Variants in SRL observed in about 807,000 individuals in gnomAD.
SRL encodes sarcalumenin.
In SRL, 23 loss-of-function variants were observed where a neutral mutation model predicts 39.5. That is an observed-to-expected ratio of 0.58 (90% CI 0.42 to 0.82). The LOEUF is 0.82. Ranked by LOEUF, SRL falls within the 40% of genes least tolerant of loss-of-function variation. The pLI, the probability that SRL is intolerant of heterozygous loss-of-function variation, is 0.00. For missense variants in SRL, 592 were observed against 607.8 expected, an observed-to-expected ratio of 0.97 and a Z score of 0.27; for synonymous variants, 272 against 237.4, an observed-to-expected ratio of 1.15 and a Z score of -1.34.
intron 1 of SRL, among the ~76,000 whole-genome samples, chr16:4,214,096 T>C (rs555892889): frequency 3.9e-5 from 6 of 152,302 alleles, no homozygotes; most frequent in African/African-American, 1.2e-4. Context: ...CCCTCTGCAC[T>C]AGCCATCCTC....
At chr16:4,236,323 G>C (rs981141568) in intron 1 of SRL, among the ~76,000 whole-genome samples, 1 of 151,992 alleles carries the variant, frequency 6.6e-6, no homozygotes, top group African/African-American at 2.4e-5. Context: ...AATCCTGCTG[G>C]CCACTCGCCC....
At chr16:4,220,672 T>G (rs1454555802) in intron 1 of SRL, among the ~76,000 whole-genome samples, 1 of 152,156 alleles carries the variant, frequency 6.6e-6, no homozygotes, top group Non-Finnish European at 1.5e-5. Context: ...AGCAGCTTTC[T>G]CTGGTGAACT....
At chr16:4,206,845 G>T (rs774295019) in intron 1 of SRL, 8 of 456,668 alleles carry the variant, frequency 1.8e-5, no homozygotes, top group Non-Finnish European at 3.1e-5. Flanking sequence ...GGGCCAGGCT[G>T]GGCCCCTCTG....
At chr16:4,202,129 G>A (rs2052242834) in intron 3 of SRL, among the ~76,000 whole-genome samples, 1 of 152,202 alleles carries the variant, frequency 6.6e-6, no homozygotes, top group African/African-American at 2.4e-5. Flanking sequence ...CAGGGGAGGA[G>A]CACACAGCTG....
intron 1 of SRL, among the ~76,000 whole-genome samples, chr16:4,223,657 AT>A (rs1200668482): frequency 7.3e-5 from 11 of 151,712 alleles, no homozygotes; most frequent in African/African-American, 2.7e-4. Flanking sequence ...TAGGGCTGAG[AT>A]TACAGAAAGA....
Position 4,195,603 on chromosome 16 carries a change from G to C in SRL, c.560C>G (p.Thr187Ser), listed in dbSNP as rs541794190. The C allele has an allele frequency of 1.2e-6, 2 of 1,614,206 alleles. No homozygotes were observed. Among genetic ancestry groups the C allele is most frequent in the African/African-American group, 2.7e-5 (2 of 75,048 alleles). The change falls in exon 5 of 6, where the codon ACT becomes AGT. Residue 187 changes from threonine (T) to serine (S), a missense_variant. Coordinates refer to ENST00000399609, the MANE Select transcript of SRL (RefSeq NM_001098814.2). ...EVPHKLLERVTFVDTPGIIEN... is the reference protein window; with the variant it reads ...EVPHKLLERVSFVDTPGIIEN... ...GATGATGCCTGGTGTATCCACAAAA[G>C]TGACCCTCTCCAGAAGTTTGTGGGG...
rs2052046185 is a variant in SRL, at chr16:4,190,347, TGAGCTG to T, written c.*1800_*1805del. The T allele has an allele frequency of 5.0e-6, 2 of 398,810 alleles. No homozygotes were observed. The highest frequency in any genetic ancestry group is 8.8e-6 in the Non-Finnish European group (2 of 226,252). The allele number at this position is 398,810 out of a possible 1,614,324, so 24.7% of individuals were successfully genotyped here. On this transcript the variant is annotated 3_prime_UTR_variant, in exon 6 of 6. Coordinates refer to ENST00000399609, the MANE Select transcript of SRL (RefSeq NM_001098814.2). ...TGGGTCCAGGATGACTTCCTGGTGC[TGAGCTG>T]GTGCATCCTGACTCCTGCCTCGTGG...
Position 4,204,674 on chromosome 16 carries a change from AC to A in SRL, c.62-41del. ...AGACAGCCAAGTGAGAGCAAAGCTA[AC>A]AGCCAGCTGAGCTCTGGGCCCCGGC... On this transcript the variant is annotated intron_variant, in intron 1 of 5. Transcript: ENST00000399609. 1.9e-6 allele frequency: 3 copies of A among 1,584,948 alleles called. No homozygotes were observed. In the South Asian group the frequency reaches 3.3e-5, roughly 18 times the overall value.
At chr16:4,196,555 C>T (rs958887300) in intron 4 of SRL, among the ~76,000 whole-genome samples, 14 of 149,200 alleles carry the variant, frequency 9.4e-5, no homozygotes, top group Non-Finnish European at 1.5e-4. Flanking sequence ...GATCTCAGCT[C>T]ACTGCAACCT....
intron 1 of SRL, among the ~76,000 whole-genome samples, chr16:4,227,640 C>A (rs2052608340): frequency 6.6e-6 from 1 of 152,054 alleles, no homozygotes; most frequent in Admixed American, 6.6e-5. Flanking sequence ...GGAAGACCTT[C>A]CGTCAACCCC....
rs563000233 is a variant in SRL, at chr16:4,216,197, T to C, written c.62-11563A>G. Among the ~76,000 whole-genome samples, 24 of 152,296 alleles carry C rather than the reference T, an allele frequency of 1.6e-4. No homozygotes were observed. The East Asian group carries it at 4.4e-3, about 28-fold the overall frequency. Reference sequence around the variant, plus strand: ...AGAAATCCCACAACCATCATATATATACATGCTTGTCACTGATGCCTGGAG... The same window carrying C: ...AGAAATCCCACAACCATCATATATACACATGCTTGTCACTGATGCCTGGAG... On this transcript the variant is annotated intron_variant, in intron 1 of 5. Transcript: ENST00000399609.
rs914699264 is a variant in SRL, at chr16:4,231,090, G to C, written c.61+10917C>G. Among the ~76,000 whole-genome samples, 3 of 152,272 alleles carry C rather than the reference G, an allele frequency of 2.0e-5. No homozygotes were observed. The East Asian group carries it at 5.8e-4, about 29-fold the overall frequency. On this transcript the variant is annotated intron_variant, in intron 1 of 5. Transcript: ENST00000399609. ...CCCAGCACTTTGGGAGGCCAAGGTA[G>C]GATCACTTGAGCCCAGAAGCTCAAG...
At chr16:4,222,396 T>G (rs566536587) in intron 1 of SRL, among the ~76,000 whole-genome samples, 11 of 152,306 alleles carry the variant, frequency 7.2e-5, no homozygotes, top group African/African-American at 2.6e-4. Flanking sequence ...TGCCTCAGCC[T>G]CCTGAGTAGC....
At chr16:4,231,092 A>C (rs1365122785) in intron 1 of SRL, among the ~76,000 whole-genome samples, 2 of 152,156 alleles carry the variant, frequency 1.3e-5, no homozygotes, top group African/African-American at 4.8e-5. Context: ...CCAAGGTAGG[A>C]TCACTTGAGC....
chr16:4,241,523 TC>T (rs2052772997), intron 1 of SRL, among the ~76,000 whole-genome samples: 1 of 152,126 alleles, frequency 6.6e-6, no homozygotes, highest in South Asian at 2.1e-4. Context: ...ATCTCACTGC[TC>T]CCAAAACGGT....
chr16:4,236,958 T>G (rs1388332287), intron 1 of SRL, among the ~76,000 whole-genome samples: 1 of 150,266 alleles, frequency 6.7e-6, no homozygotes, highest in Non-Finnish European at 1.5e-5. Flanking sequence ...TTTTTTTTTT[T>G]TGAGACAAGG....
intron 1 of SRL, among the ~76,000 whole-genome samples, chr16:4,224,283 C>G (rs1056681785): frequency 6.6e-6 from 1 of 152,134 alleles, no homozygotes; most frequent in Non-Finnish European, 1.5e-5. Flanking sequence ...AAACACCAAC[C>G]CTGCCCACCC....
At chr16:4,207,488 G>A (rs1005034623) in intron 1 of SRL, 9 of 456,754 alleles carry the variant, frequency 2.0e-5, no homozygotes, top group Non-Finnish European at 2.6e-5. Flanking sequence ...GGCTGCCCTC[G>A]GCCTCTGCGT....
intron 1 of SRL, among the ~76,000 whole-genome samples, chr16:4,233,077 G>C (rs1312956682): frequency 6.6e-6 from 1 of 152,350 alleles, no homozygotes; most frequent in East Asian, 1.9e-4. Context: ...AGAGAGCGGG[G>C]AATAGGGAGG....
Sources: allele counts gnomAD v4.1 joint callset (sites outside exome capture counted in the v4.1 genomes callset), GRCh38; gene constraint gnomAD v4.1.1; transcripts MANE v1.5; gene names NCBI Gene and HGNC (gene_info 2026-07-23, HGNC 2026-07-21).